STK32B: variants seen among roughly 807,000 people sequenced by gnomAD.
STK32B encodes serine/threonine-protein kinase 32B.
In STK32B, 43 loss-of-function variants were observed where a neutral mutation model predicts 52.6. That is an observed-to-expected ratio of 0.82 (90% CI 0.64 to 1.05). STK32B has a LOEUF of 1.05. Ranked by LOEUF, STK32B falls within the 50% of genes least tolerant of loss-of-function variation. STK32B has a pLI of 0.00. For synonymous variants in STK32B, 238 were observed against 204.3 expected, an observed-to-expected ratio of 1.17 and a Z score of -1.41; for missense variants, 621 against 534.6, an observed-to-expected ratio of 1.16 and a Z score of -1.59.
rs73211139 is a variant in STK32B at position 5,331,277 on chromosome 4, C to T, written c.318C>T (p.Gly106=). The part of the protein sequence containing the change: ...MFMVVDLLLG[G]DLRYHLQQNV... ...TGGTGGTGGACCTGCTCCTGGGAGG[C>T]GACCTGCGCTACCATCTGCAGCAGA... Residue 106 remains glycine (G), a synonymous_variant, in exon 4 of 12, where the codon GGC becomes GGT. Transcript: ENST00000282908. 120 of 1,613,830 alleles carry T rather than the reference C, an allele frequency of 7.4e-5. No homozygotes were observed. The highest frequency in any genetic ancestry group is 8.9e-5 in the East Asian group (4 of 44,844).
chr4:5,109,715 T>G (rs1714292288), intron 1 of STK32B, among the ~76,000 whole-genome samples: 1 of 152,162 alleles, frequency 6.6e-6, no homozygotes. Context: ...CCCTATAATC[T>G]GGAATAAGAC....
chr4:5,190,432 G>C (rs1311894523), intron 3 of STK32B, among the ~76,000 whole-genome samples: 1 of 152,138 alleles, frequency 6.6e-6, no homozygotes, highest in African/African-American at 2.4e-5. Context: ...ACCTGTAGAG[G>C]AGTGGGCCAC....
chr4:5,414,864 G>A (rs1712021828), intron 5 of STK32B, among the ~76,000 whole-genome samples: 1 of 152,152 alleles, frequency 6.6e-6, no homozygotes, highest in South Asian at 2.1e-4. Context: ...TTAATGAGCT[G>A]GCATCACTTT....
intron 9 of STK32B, among the ~76,000 whole-genome samples, chr4:5,461,533 C>T (rs1489667372): frequency 6.6e-6 from 1 of 152,226 alleles, no homozygotes. Flanking sequence ...AGACCCTCCC[C>T]AGCCTGCCCA....
chr4:5,181,923 T>G (rs150794242), intron 3 of STK32B, among the ~76,000 whole-genome samples: 1 of 152,354 alleles, frequency 6.6e-6, no homozygotes, highest in African/African-American at 2.4e-5. Context: ...TAGCATGAGA[T>G]GCTGTTTGAT....
At chr4:5,277,514 G>C (rs1396367316) in intron 3 of STK32B, among the ~76,000 whole-genome samples, 1 of 152,058 alleles carries the variant, frequency 6.6e-6, no homozygotes, top group Non-Finnish European at 1.5e-5. Flanking sequence ...CTGATTCTTT[G>C]TTTGCTTATG....
rs187556906 is a variant in STK32B at position 5,202,488 on chromosome 4, C to T, written c.260+34038C>T. Reference sequence around the variant, plus strand: ...GGAAAGTGGCCCTTTCTCACAGCTCCGCTCGGCAGTGCCCCAGTGGGGACT... The same window carrying T: ...GGAAAGTGGCCCTTTCTCACAGCTCTGCTCGGCAGTGCCCCAGTGGGGACT... On this transcript the variant is annotated intron_variant, in intron 3 of 11. Transcript: ENST00000282908. 1.1e-4 allele frequency among the ~76,000 whole-genome samples: 16 copies of T among 152,352 alleles called. No individual in the cohort carries two copies. In the East Asian group the frequency reaches 1.2e-3, roughly 11 times the overall value.
Position 5,438,027 on chromosome 4 carries a change from T to C in STK32B, c.563-8646T>C, listed in dbSNP as rs1714257195. On this transcript the variant is annotated intron_variant, in intron 6 of 11. Coordinates refer to ENST00000282908, the MANE Select transcript of STK32B (RefSeq NM_018401.3). ...GACAGCCAGGACAGGATCACTCTGC[T>C]GCTGCTTCTACCCTGAGTTCTGAAT... The C allele has an allele frequency of 4.1e-6, 4 of 985,574 alleles. No homozygotes were observed. The African/African-American group carries it at 7.0e-5, about 17-fold the overall frequency. 61.1% of individuals were successfully genotyped at this position (985,574 alleles called of 1,614,324 possible).
chr4:5,073,280 C>A (rs1391559415), intron 1 of STK32B, among the ~76,000 whole-genome samples: 1 of 151,816 alleles, frequency 6.6e-6, no homozygotes, highest in Non-Finnish European at 1.5e-5. Context: ...TTTAAAAATT[C>A]TATCACAACT....
At chr4:5,392,444 A>C (rs1338588444) in intron 4 of STK32B, among the ~76,000 whole-genome samples, 1 of 152,210 alleles carries the variant, frequency 6.6e-6, no homozygotes, top group Admixed American at 6.5e-5. Context: ...ATAATTAATT[A>C]ATTTAAAAAT....
chr4:5,066,759 T>G (rs1199679810), intron 1 of STK32B, among the ~76,000 whole-genome samples: 1 of 152,208 alleles, frequency 6.6e-6, no homozygotes, highest in Non-Finnish European at 1.5e-5. Flanking sequence ...TTGAAAAAGT[T>G]TACTCCTGCC....
chr4:5,411,158 C>G (rs991785099), intron 5 of STK32B, among the ~76,000 whole-genome samples: 2 of 152,024 alleles, frequency 1.3e-5, no homozygotes, highest in African/African-American at 4.8e-5. Context: ...GCCCCAGCTT[C>G]CCAAGTAACT....
intron 3 of STK32B, among the ~76,000 whole-genome samples, chr4:5,252,019 A>G (rs1046783143): frequency 2.0e-5 from 3 of 152,172 alleles, no homozygotes; most frequent in Non-Finnish European, 4.4e-5. Context: ...TAAGAAGTTC[A>G]TATTCCTTGA....
intron 4 of STK32B, among the ~76,000 whole-genome samples, chr4:5,356,050 A>G (rs187907019): frequency 3.2e-4 from 49 of 152,262 alleles, no homozygotes; most frequent in Admixed American, 1.6e-3. Context: ...TTCCATGTCA[A>G]GCACTGAGCA....
intron 3 of STK32B, among the ~76,000 whole-genome samples, 171 bp downstream of exon 3, chr4:5,168,621 G>A (rs1719082339): frequency 6.6e-6 from 1 of 152,200 alleles, no homozygotes; most frequent in African/African-American, 2.4e-5. Flanking sequence ...AAGTCTATAG[G>A]CATATGTTTC....
At chr4:5,167,048 C>T (rs1420064915) in intron 2 of STK32B, among the ~76,000 whole-genome samples, 1 of 152,192 alleles carries the variant, frequency 6.6e-6, no homozygotes, top group African/African-American at 2.4e-5. Context: ...CTTGCTGTGT[C>T]TCCTCGGCTC....
rs367579313 is a variant in STK32B at position 5,156,130 on chromosome 4, A to G, written c.109-12169A>G. ...ACACTCAATGTATATGTATACACAT[A>G]TACATATACACACTCATATGTATAT... On this transcript the variant is annotated intron_variant, in intron 2 of 11. Coordinates refer to ENST00000282908, the MANE Select transcript of STK32B (RefSeq NM_018401.3). 4.1e-4 allele frequency among the ~76,000 whole-genome samples: 62 copies of G among 151,866 alleles called. No individual in the cohort carries two copies. The South Asian group carries it at 0.013, about 32-fold the overall frequency.
At chr4:5,230,309 C>T (rs559581299) in intron 3 of STK32B, among the ~76,000 whole-genome samples, 43 of 150,270 alleles carry the variant, frequency 2.9e-4, no homozygotes, top group African/African-American at 9.3e-4. Context: ...CTTGTCTCAG[C>T]CTCCAGAGTA....
At position 5,084,347 on chromosome 4, in the gene STK32B, G is replaced by A. The variant is rs557475964; in HGVS notation, c.52+32432G>A. On this transcript the variant is annotated intron_variant, in intron 1 of 11. Transcript: ENST00000282908. ...TCTGCCAAACTTCTGTATTACAAAA[G>A]ACAACAGCATTATTTACAACAGTGA... Among the ~76,000 whole-genome samples the A allele has an allele frequency of 6.1e-4, 93 of 152,208 alleles. 1 individual carries two copies. The South Asian group carries it at 0.019, about 31-fold the overall frequency.
Sources: gnomAD v4.1 joint callset for allele counts (sites outside exome capture counted in the v4.1 genomes callset) on GRCh38, gnomAD v4.1.1 for gene constraint, MANE v1.5 for transcripts, NCBI Gene and HGNC (gene_info 2026-07-23, HGNC 2026-07-21) for gene names.